Variants in LUZP2 observed in about 807,000 individuals in gnomAD.
The protein encoded by LUZP2 is leucine zipper protein 2.
A neutral mutation model predicts 51.6 loss-of-function variants in LUZP2; 52 were observed. The observed-to-expected ratio is 1.01, with a 90% CI of 0.81 to 1.27. The LOEUF (loss-of-function observed/expected upper bound fraction) is 1.27. Ranked by LOEUF, LUZP2 falls within the 50% of genes most tolerant of loss-of-function variation. The pLI is 0.00. For synonymous variants in LUZP2, 154 were observed against 137.3 expected, an observed-to-expected ratio of 1.12 and a Z score of -0.85; for missense variants, 436 against 395.4, an observed-to-expected ratio of 1.10 and a Z score of -0.87.
intron 5 of LUZP2, chr11:24,786,344 G>A (rs1160605933): frequency 1.0e-6 from 1 of 981,736 alleles, no homozygotes; most frequent in Non-Finnish European, 1.2e-6. Flanking sequence ...GAATTCATGG[G>A]CATATCTAAT....
chr11:25,046,510 A>T (rs937994556), intron 9 of LUZP2, among the ~76,000 whole-genome samples: 1 of 152,134 alleles, frequency 6.6e-6, no homozygotes, highest in East Asian at 1.9e-4. Context: ...ATCCTAAAAA[A>T]ATCATAAATA....
Position 24,527,146 on chromosome 11 carries a change from T to C in LUZP2, c.62+29841T>C, listed in dbSNP as rs115176198. Among the ~76,000 whole-genome samples the C allele has an allele frequency of 6.3e-3, 962 of 151,560 alleles. 8 individuals are homozygous for C. The highest frequency in any genetic ancestry group is 0.022 in the African/African-American group (919 of 41,498). On this transcript the variant is annotated intron_variant, in intron 1 of 11. Coordinates refer to ENST00000336930, the MANE Select transcript of LUZP2 (RefSeq NM_001009909.4). ...TTGACATTGGGAAGAACTAGCATAA[T>C]TGCCATTCAGATAGGCTTTTAGCAA...
At chr11:24,878,531 C>T (rs894508284) in intron 5 of LUZP2, among the ~76,000 whole-genome samples, 8 of 152,160 alleles carry the variant, frequency 5.3e-5, no homozygotes, top group South Asian at 4.2e-4. Context: ...TAGTCTTCTT[C>T]GGGTTAACTT....
At chr11:24,652,220 T>C (rs1855650412) in intron 1 of LUZP2, among the ~76,000 whole-genome samples, 1 of 152,166 alleles carries the variant, frequency 6.6e-6, no homozygotes, top group Non-Finnish European at 1.5e-5. Flanking sequence ...AAGTGTTTTT[T>C]GAAACCAAAG....
At chr11:24,904,712 C>G (rs1166209724) in intron 5 of LUZP2, among the ~76,000 whole-genome samples, 1 of 152,156 alleles carries the variant, frequency 6.6e-6, no homozygotes, top group Non-Finnish European at 1.5e-5. Context: ...TTCAGCTTGT[C>G]TCTTCACTGT....
intron 5 of LUZP2, among the ~76,000 whole-genome samples, chr11:24,895,737 T>A (rs567261597): frequency 6.6e-6 from 1 of 152,242 alleles, no homozygotes. Flanking sequence ...ATGTACCACA[T>A]CCACCATTGT....
rs1169156294 is a variant in LUZP2 at position 24,583,584 on chromosome 11, G to T, written c.62+86279G>T. 5.9e-5 allele frequency among the ~76,000 whole-genome samples: 9 copies of T among 151,996 alleles called. No individual in the cohort carries two copies. The East Asian group carries it at 1.5e-3, about 26-fold the overall frequency. ...CACCTAAACCCTAATTCTAAATTTT[G>T]TTTCCCTCATAAGGGAAAGTAGACA... On this transcript the variant is annotated intron_variant, in intron 1 of 11. Transcript: ENST00000336930.
At chr11:25,071,920 A>C (rs1391858941) in intron 10 of LUZP2, among the ~76,000 whole-genome samples, 1 of 152,122 alleles carries the variant, frequency 6.6e-6, no homozygotes, top group East Asian at 1.9e-4. Flanking sequence ...AAAAAATGTA[A>C]CTGGTTTTAG....
At position 24,915,849 on chromosome 11, in the gene LUZP2, G is replaced by C. The variant is rs531995900; in HGVS notation, c.522+1311G>C. The stretch of plus-strand genomic sequence containing the variant: ...CTTGCACCAACCTAATAGCACAAAA[G>C]TATCTATTAACACAGACATTCAGCC... On this transcript the variant is annotated intron_variant, in intron 7 of 11. Transcript: ENST00000336930. 1.2e-4 allele frequency among the ~76,000 whole-genome samples: 19 copies of C among 152,068 alleles called. No homozygotes were observed. The South Asian group carries it at 1.7e-3, about 13-fold the overall frequency.
intron 5 of LUZP2, among the ~76,000 whole-genome samples, chr11:24,782,583 T>A (rs1432332630): frequency 6.6e-6 from 1 of 151,958 alleles, no homozygotes; most frequent in Non-Finnish European, 1.5e-5. Flanking sequence ...GCTATACAAC[T>A]GTCTTGCTTT....
At chr11:24,644,896 C>T (rs993029612) in intron 1 of LUZP2, among the ~76,000 whole-genome samples, 20 of 152,058 alleles carry the variant, frequency 1.3e-4, no homozygotes, top group African/African-American at 4.1e-4. Context: ...TTTGGCCAAG[C>T]GTTTCAGATA....
intron 1 of LUZP2, among the ~76,000 whole-genome samples, chr11:24,558,283 T>C (rs1851931077): frequency 6.6e-6 from 1 of 152,102 alleles, no homozygotes; most frequent in Admixed American, 6.5e-5. Context: ...GCCACACTAC[T>C]GGCTTTCCTG....
chr11:25,034,019 C>G (rs1418671468), intron 9 of LUZP2, among the ~76,000 whole-genome samples: 1 of 152,084 alleles, frequency 6.6e-6, no homozygotes, highest in Admixed American at 6.6e-5. Flanking sequence ...CTTTCCACAG[C>G]AACTGGTCTA....
intron 2 of LUZP2, 23 bp downstream of exon 2, chr11:24,729,309 G>T (rs139824738): frequency 1.5e-6 from 2 of 1,324,546 alleles, no homozygotes; most frequent in East Asian, 2.5e-5. Context: ...CTCATTTTCC[G>T]AGCAGTAAAA....
At chr11:24,597,531 T>G (rs998759561) in intron 1 of LUZP2, among the ~76,000 whole-genome samples, 16 of 152,316 alleles carry the variant, frequency 1.1e-4, no homozygotes, top group African/African-American at 3.8e-4. Flanking sequence ...TGTAATCAGA[T>G]TTTTGAAAAG....
intron 5 of LUZP2, among the ~76,000 whole-genome samples, chr11:24,772,170 A>C (rs1406854129): frequency 6.6e-6 from 1 of 152,190 alleles, no homozygotes; most frequent in Non-Finnish European, 1.5e-5. Flanking sequence ...TCTCAGAAGA[A>C]GTCCTTGACT....
At chr11:24,774,362 C>CTCTCTCTATATATATATATA (rs776739280) in intron 5 of LUZP2, among the ~76,000 whole-genome samples, 3 of 76,344 alleles carry the variant, frequency 3.9e-5, no homozygotes, top group African/African-American at 1.2e-4. Flanking sequence ...CTCTCTCTCT[C>CTCTCTCTATATATATATATA]TATATATATA....
chr11:25,055,569 C>T (rs1269508554), intron 10 of LUZP2, among the ~76,000 whole-genome samples: 1 of 152,018 alleles, frequency 6.6e-6, no homozygotes, highest in Non-Finnish European at 1.5e-5. Context: ...TTGCACACCA[C>T]CTATAGGTAG....
chr11:24,523,469 C>G lies in LUZP2; in HGVS notation c.62+26164C>G, dbSNP rs78052457. ...GTGAATAAACTAATCCATGCTAATT[C>G]ACTTAAAATATCAAGCTTCTTTTTT... is the stretch of plus-strand genomic sequence containing the variant. On this transcript the variant is annotated intron_variant, in intron 1 of 11. Coordinates refer to ENST00000336930, the MANE Select transcript of LUZP2 (RefSeq NM_001009909.4). Among the ~76,000 whole-genome samples, 649 of 150,196 alleles carry G rather than the reference C, an allele frequency of 4.3e-3. 7 individuals are homozygous for G. Among genetic ancestry groups the G allele is most frequent in the African/African-American group, 0.015 (608 of 40,690 alleles).
Sources: gnomAD v4.1 joint callset for allele counts (sites outside exome capture counted in the v4.1 genomes callset) on GRCh38, gnomAD v4.1.1 for gene constraint, MANE v1.5 for transcripts, NCBI Gene and HGNC (gene_info 2026-07-23, HGNC 2026-07-21) for gene names.